SRPK2: variants seen among roughly 807,000 people sequenced by gnomAD.
The protein encoded by SRPK2 is SFRS protein kinase 2.
A neutral mutation model predicts 90.8 loss-of-function variants in SRPK2; 21 were observed. That is an observed-to-expected ratio of 0.23 (90% CI 0.16 to 0.33). SRPK2 has a LOEUF of 0.33. Among genes scored for constraint, SRPK2 ranks in the 10% least tolerant of loss-of-function variants. The pLI is 1.00. For missense variants in SRPK2, 620 were observed against 869.0 expected, an observed-to-expected ratio of 0.71 and a Z score of 3.60; for synonymous variants, 288 against 311.1, an observed-to-expected ratio of 0.93 and a Z score of 0.78.
intron 2 of SRPK2, among the ~76,000 whole-genome samples, chr7:105,383,814 G>A (rs979419442): frequency 3.9e-5 from 6 of 152,156 alleles, no homozygotes; most frequent in African/African-American, 7.2e-5. Flanking sequence ...GTACTAATAC[G>A]TGCCATAACA....
intron 2 of SRPK2, chr7:105,301,406 G>T (rs374486899): frequency 3.1e-6 from 2 of 640,466 alleles, no homozygotes; most frequent in South Asian, 3.5e-5. Context: ...AGACTGTGCC[G>T]CCCCCACAAC....
rs79841684 is a variant in SRPK2, at chr7:105,171,218, G to A, written c.230-1953C>T. The stretch of plus-strand genomic sequence containing the variant: ...GTTCTTCACTTCGCATTTTTAAGCA[G>A]AATAAGCAAGCTACAAACTAGCATG... On this transcript the variant is annotated intron_variant, in intron 3 of 15. Coordinates refer to ENST00000393651, the MANE Select transcript of SRPK2 (RefSeq NM_182692.3). Among the ~76,000 whole-genome samples, 467 of 152,222 alleles carry A rather than the reference G, an allele frequency of 3.1e-3. 14 individuals carry two copies. In the East Asian group the frequency reaches 0.062, roughly 20 times the overall value.
intron 2 of SRPK2, among the ~76,000 whole-genome samples, chr7:105,385,171 ATTTT>A (rs767913304): frequency 1.3e-3 from 65 of 49,682 alleles, no homozygotes; most frequent in East Asian, 2.0e-3. Flanking sequence ...CGCGCCCGGC[ATTTT>A]TTTTTTTTTT....
chr7:105,256,013 G>A (rs1803244248), intron 2 of SRPK2, among the ~76,000 whole-genome samples: 1 of 151,818 alleles, frequency 6.6e-6, no homozygotes. Context: ...ATACCTTATT[G>A]AATTTTGTAC....
intron 2 of SRPK2, among the ~76,000 whole-genome samples, chr7:105,351,561 G>C (rs907574554): frequency 3.9e-5 from 6 of 151,918 alleles, no homozygotes; most frequent in African/African-American, 1.4e-4. Context: ...CCAGCACTTT[G>C]GGTGGCCGAG....
intron 2 of SRPK2, among the ~76,000 whole-genome samples, chr7:105,276,102 G>A (rs1174752615): frequency 6.6e-6 from 1 of 151,262 alleles, no homozygotes; most frequent in Non-Finnish European, 1.5e-5. Flanking sequence ...TTTTTAGAGG[G>A]ACAGAGTCTT....
At chr7:105,340,399 C>CTTTT (rs781142110) in intron 2 of SRPK2, among the ~76,000 whole-genome samples, 1 of 128,308 alleles carries the variant, frequency 7.8e-6, no homozygotes. Context: ...CTTTTCTCTC[C>CTTTT]TTTTTTTTTT....
Position 105,217,133 on chromosome 7 carries a change from T to C in SRPK2, c.72-13348A>G, listed in dbSNP as rs139653338. Among the ~76,000 whole-genome samples, 711 of 152,338 alleles carry C rather than the reference T, an allele frequency of 4.7e-3. 5 individuals are homozygous for C. The highest frequency in any genetic ancestry group is 8.3e-3 in the Non-Finnish European group (564 of 68,028). ...AGTTCCTCCCATTCCTCTCTGTTCA[T>C]CTCTGACTATCCTAACTGCAAAGGT... On this transcript the variant is annotated intron_variant, in intron 2 of 15. Transcript: ENST00000393651.
intron 2 of SRPK2, among the ~76,000 whole-genome samples, chr7:105,358,744 T>C (rs1362316635): frequency 6.6e-6 from 1 of 152,070 alleles, no homozygotes; most frequent in African/African-American, 2.4e-5. Flanking sequence ...ACTATTTGTC[T>C]TAGTCTATTT....
At chr7:105,225,998 A>G (rs1170554307) in intron 2 of SRPK2, among the ~76,000 whole-genome samples, 1 of 152,242 alleles carries the variant, frequency 6.6e-6, no homozygotes, top group Non-Finnish European at 1.5e-5. Flanking sequence ...GTTCTACTGA[A>G]CAATGCTGCT....
intron 2 of SRPK2, chr7:105,301,514 G>A: frequency 7.2e-7 from 1 of 1,382,712 alleles, no homozygotes; most frequent in East Asian, 2.3e-5. Context: ...CCCGCAACCG[G>A]TGTGACGAGT....
chr7:105,209,238 A>C (rs548719873), intron 2 of SRPK2, among the ~76,000 whole-genome samples: 1 of 152,344 alleles, frequency 6.6e-6, no homozygotes, highest in Admixed American at 6.5e-5. Flanking sequence ...TTCATGTACT[A>C]TAAGAAATAT....
chr7:105,369,293 C>T (rs555590871), intron 2 of SRPK2, among the ~76,000 whole-genome samples: 1 of 152,132 alleles, frequency 6.6e-6, no homozygotes, highest in African/African-American at 2.4e-5. Context: ...ATTACAGGAG[C>T]ATGCAACCAG....
intron 2 of SRPK2, among the ~76,000 whole-genome samples, chr7:105,284,105 G>C (rs747042266): frequency 1.3e-5 from 2 of 152,178 alleles, no homozygotes; most frequent in Admixed American, 6.6e-5. Context: ...TGCAGAGCTA[G>C]TATGTAACTA....
At chr7:105,351,293 G>A (rs1362130736) in intron 2 of SRPK2, among the ~76,000 whole-genome samples, 1 of 151,934 alleles carries the variant, frequency 6.6e-6, no homozygotes, top group African/African-American at 2.4e-5. Context: ...CTTGACCTTG[G>A]CCTTCCCAGC....
intron 2 of SRPK2, among the ~76,000 whole-genome samples, chr7:105,353,259 G>A (rs1354576362): frequency 6.6e-6 from 1 of 152,158 alleles, no homozygotes; most frequent in African/African-American, 2.4e-5. Flanking sequence ...TGGGCCTGCT[G>A]CTGAACATTT....
chr7:105,251,325 T>C (rs1205406987), intron 2 of SRPK2, among the ~76,000 whole-genome samples: 1 of 152,136 alleles, frequency 6.6e-6, no homozygotes, highest in South Asian at 2.1e-4. Context: ...ACACAGACTG[T>C]CAAATTATAA....
intron 3 of SRPK2, among the ~76,000 whole-genome samples, chr7:105,180,817 T>C (rs6949830): frequency 0.41 from 62,781 of 152,034 alleles, 14,909 homozygotes; most frequent in Non-Finnish European, 0.53. Flanking sequence ...ATTCTGGACA[T>C]AGGACCTGGC....
chr7:105,284,892 T>G (rs1807853405), intron 2 of SRPK2, among the ~76,000 whole-genome samples: 1 of 152,198 alleles, frequency 6.6e-6, no homozygotes, highest in Non-Finnish European at 1.5e-5. Flanking sequence ...GTTTCCCACA[T>G]AGGCACCAAC....
Sources: allele counts gnomAD v4.1 joint callset (sites outside exome capture counted in the v4.1 genomes callset), GRCh38; gene constraint gnomAD v4.1.1; transcripts MANE v1.5; gene names NCBI Gene and HGNC (gene_info 2026-07-23, HGNC 2026-07-21).